The following TUSC3 variants were observed in gnomAD, a reference collection of about 807,000 sequenced individuals.
The protein encoded by TUSC3 is dolichyl-diphosphooligosaccharide--protein glycosyltransferase subunit TUSC3.
Under a neutral mutation model 44.8 loss-of-function variants are expected in TUSC3, and 45 were observed. The ratio of observed to expected loss-of-function variants is 1.00; its 90% CI spans 0.79 to 1.29. The LOEUF is 1.29. Ranked by LOEUF, TUSC3 falls within the 50% of genes most tolerant of loss-of-function variation. TUSC3 has a pLI of 0.00. For synonymous variants in TUSC3, 212 were observed against 152.9 expected, an observed-to-expected ratio of 1.39 and a Z score of -2.85; for missense variants, 519 against 437.9, an observed-to-expected ratio of 1.19 and a Z score of -1.65.
At chr8:15,839,524 T>C in the TUSC3 span, among the ~76,000 whole-genome samples, 1 of 147,236 alleles carries the variant, frequency 6.8e-6, no homozygotes, top group Non-Finnish European at 1.5e-5. Context: ...CAAACAAATT[T>C]ACAAGAAAAA....
intron 1 of TUSC3, among the ~76,000 whole-genome samples, chr8:15,430,143 C>G (rs1799853985): frequency 6.7e-6 from 1 of 149,228 alleles, no homozygotes; most frequent in Admixed American, 6.7e-5. Flanking sequence ...CAGCATCATC[C>G]TGGTACCAAA....
chr8:15,597,589 A>G (rs1279283179), intron 1 of TUSC3, among the ~76,000 whole-genome samples: 1 of 151,906 alleles, frequency 6.6e-6, no homozygotes, highest in Non-Finnish European at 1.5e-5. Flanking sequence ...TAAAATACTA[A>G]CAACATCTAA....
At chr8:15,777,268 C>T in the TUSC3 span, among the ~76,000 whole-genome samples, 8 of 152,204 alleles carry the variant, frequency 5.3e-5, no homozygotes, top group South Asian at 2.1e-4. Context: ...ACTTCCCCCC[C>T]ACCTTTTCGG....
intron 1 of TUSC3, among the ~76,000 whole-genome samples, chr8:15,582,492 C>G (rs1013687233): frequency 1.3e-5 from 2 of 152,116 alleles, no homozygotes; most frequent in African/African-American, 2.4e-5. Flanking sequence ...TAATAAGTTT[C>G]TAAAAATTTA....
chr8:15,443,507 C>G (rs1800050116), intron 1 of TUSC3, among the ~76,000 whole-genome samples: 1 of 152,064 alleles, frequency 6.6e-6, no homozygotes, highest in African/African-American at 2.4e-5. Context: ...AAAATTATGA[C>G]TGAGACAGTG....
intron 6 of TUSC3, among the ~76,000 whole-genome samples, chr8:15,694,220 A>T (rs1585238558): frequency 6.6e-6 from 1 of 152,008 alleles, no homozygotes; most frequent in South Asian, 2.1e-4. Flanking sequence ...AGGCGGGCAG[A>T]TCGCCTGAGG....
chr8:15,442,898 C>T (rs1445055244), intron 1 of TUSC3, among the ~76,000 whole-genome samples: 2 of 152,128 alleles, frequency 1.3e-5, no homozygotes, highest in African/African-American at 2.4e-5. Context: ...CATATCTGAT[C>T]AAGTTTCTCT....
chr8:15,420,593 A>G (rs1045468587), intron 1 of TUSC3, among the ~76,000 whole-genome samples: 3 of 128,060 alleles, frequency 2.3e-5, no homozygotes, highest in Admixed American at 1.4e-4. Context: ...GTCTGCCTCC[A>G]GTTTCTGCAA....
At chr8:15,741,689 A>AAAATT (rs1226384619) in intron 7 of TUSC3, among the ~76,000 whole-genome samples, 1 of 152,110 alleles carries the variant, frequency 6.6e-6, no homozygotes, top group African/African-American at 2.4e-5. Flanking sequence ...TGTGTCTCTA[A>AAAATT]AAATTAAAAA....
In TUSC3 at chr8:15,663,891, A is replaced by G. The variant is rs572858307; in HGVS notation, c.708+1595A>G. 3.3e-5 allele frequency among the ~76,000 whole-genome samples: 5 copies of G among 151,986 alleles called. No homozygotes were observed. The East Asian group carries it at 9.7e-4, about 29-fold the overall frequency. On this transcript the variant is annotated intron_variant, in intron 5 of 10. Coordinates refer to ENST00000503731, the MANE Select transcript of TUSC3 (RefSeq NM_006765.4). ...CTTTCACTGTGTTGTTGCAAAATCA[A>G]AACTTCTTTGGTATTTAAGAGTTAA... is the stretch of plus-strand genomic sequence containing the variant.
chr8:15,740,000 T>C (rs921698195), intron 7 of TUSC3, among the ~76,000 whole-genome samples: 6 of 152,194 alleles, frequency 3.9e-5, no homozygotes, highest in African/African-American at 1.4e-4. Context: ...GTTCTTGCCC[T>C]TTTGGAGCTA....
chr8:15,653,420 A>C (rs1240704775), intron 3 of TUSC3, among the ~76,000 whole-genome samples: 1 of 152,172 alleles, frequency 6.6e-6, no homozygotes, highest in African/African-American at 2.4e-5. Flanking sequence ...TTGAGTACTG[A>C]ATGTAGGCTG....
At chr8:15,806,834 A>G in the TUSC3 span, 1 of 949,850 alleles carries the variant, frequency 1.1e-6, no homozygotes, top group East Asian at 2.4e-5. Context: ...TGTTCCTACA[A>G]AGTAAACGTC....
intron 6 of TUSC3, among the ~76,000 whole-genome samples, chr8:15,713,905 C>G (rs1345343261): frequency 2.0e-4 from 30 of 152,124 alleles, no homozygotes; most frequent in Admixed American, 2.0e-3. Context: ...ACATATTTCT[C>G]ATGAAAATAA....
At chr8:15,735,130 C>T (rs915939154) in intron 7 of TUSC3, among the ~76,000 whole-genome samples, 3 of 152,030 alleles carry the variant, frequency 2.0e-5, no homozygotes, top group African/African-American at 7.2e-5. Flanking sequence ...CCAATGGAGG[C>T]TTGCTCCTGT....
chr8:15,717,013 T>C (rs1810085564), intron 6 of TUSC3, among the ~76,000 whole-genome samples: 1 of 152,112 alleles, frequency 6.6e-6, no homozygotes, highest in African/African-American at 2.4e-5. Flanking sequence ...TATTGAAGGA[T>C]GTATTTGAAA....
chr8:15,785,826 C>T, the TUSC3 span, among the ~76,000 whole-genome samples: 1 of 151,914 alleles, frequency 6.6e-6, no homozygotes, highest in East Asian at 1.9e-4. Context: ...ATGAAAAGAG[C>T]CAAATTCAGT....
chr8:15,849,837 T>C, the TUSC3 span, among the ~76,000 whole-genome samples: 2 of 151,814 alleles, frequency 1.3e-5, no homozygotes, highest in Non-Finnish European at 2.9e-5. Flanking sequence ...CATCTTGAAA[T>C]GAGACTTTGT....
chr8:15,799,312 C>A, the TUSC3 span, among the ~76,000 whole-genome samples: 3 of 152,052 alleles, frequency 2.0e-5, no homozygotes, highest in Non-Finnish European at 4.4e-5. Context: ...AATAATGGTC[C>A]CAAAGTTTCC....
Sources: gnomAD v4.1 joint callset for allele counts (sites outside exome capture counted in the v4.1 genomes callset) on GRCh38, gnomAD v4.1.1 for gene constraint, MANE v1.5 for transcripts, NCBI Gene and HGNC (gene_info 2026-07-23, HGNC 2026-07-21) for gene names.